Variants in RPS6KA2 observed in about 807,000 individuals in gnomAD.
The protein encoded by RPS6KA2 is ribosomal protein S6 kinase A2.
In RPS6KA2, 42 loss-of-function variants were observed where a neutral mutation model predicts 91.8. The ratio of observed to expected loss-of-function variants is 0.46; its 90% CI spans 0.36 to 0.59. RPS6KA2 has a LOEUF of 0.59. Among genes scored for constraint, RPS6KA2 ranks in the 20% least tolerant of loss-of-function variants. RPS6KA2 has a pLI of 0.00. For missense variants in RPS6KA2, 798 were observed against 978.5 expected (o/e 0.82, Z 2.46); for synonymous variants, 414 against 393.6 (o/e 1.05, Z -0.61).
intron 2 of RPS6KA2, among the ~76,000 whole-genome samples, chr6:166,819,151 C>T (rs989884501): frequency 1.3e-5 from 2 of 152,136 alleles, no homozygotes; most frequent in African/African-American, 4.8e-5. Flanking sequence ...CCTTAGCTTT[C>T]GCACCCCATT....
chr6:166,815,397 A>AT (rs1399210777), intron 2 of RPS6KA2, among the ~76,000 whole-genome samples: 2 of 152,078 alleles, frequency 1.3e-5, no homozygotes, highest in African/African-American at 2.4e-5. Flanking sequence ...AAGAATGAAT[A>AT]TTTTTTTCAT....
rs140788453 is a variant in RPS6KA2, at chr6:166,578,836, A to G, written c.100-40052T>C. On this transcript the variant is annotated intron_variant, in intron 1 of 20. Coordinates refer to ENST00000265678, the MANE Select transcript of RPS6KA2 (RefSeq NM_021135.6). ...ATTTTCTACACAGAGAAAAGTGTCAATTGGCCCAGGATATTGATGGGATCT... is the reference window on the plus strand; with the variant it reads ...ATTTTCTACACAGAGAAAAGTGTCAGTTGGCCCAGGATATTGATGGGATCT... Among the ~76,000 whole-genome samples, 350 of 152,348 alleles carry G rather than the reference A, an allele frequency of 2.3e-3. 1 individual carries two copies. The highest frequency in any genetic ancestry group is 3.6e-3 in the Non-Finnish European group (248 of 68,036).
chr6:166,764,244 G>C (rs1262247575), intron 2 of RPS6KA2, among the ~76,000 whole-genome samples: 1 of 152,170 alleles, frequency 6.6e-6, no homozygotes, highest in Non-Finnish European at 1.5e-5. Context: ...AGTGTGGTCA[G>C]GGTCATTTAA....
At chr6:166,548,702 C>T (rs555130466) in intron 1 of RPS6KA2, among the ~76,000 whole-genome samples, 2 of 152,108 alleles carry the variant, frequency 1.3e-5, no homozygotes, top group Non-Finnish European at 2.9e-5. Context: ...GGATCACAGA[C>T]ATAAATATAA....
chr6:166,771,198 C>T lies in RPS6KA2; in HGVS notation c.123+87002G>A, dbSNP rs528838565. Among the ~76,000 whole-genome samples, 183 of 152,234 alleles carry T rather than the reference C, an allele frequency of 1.2e-3. 1 individual carries two copies. The highest frequency in any genetic ancestry group is 3.4e-3 in the African/African-American group (142 of 41,524). On this transcript the variant is annotated intron_variant, in intron 2 of 21. Transcript: ENST00000503859. ...TCCCATCACCAACCTCAAAGCTCAA[C>T]GGAAAGAAAGTCTCTTTCAAGCTCC...
intron 1 of RPS6KA2, among the ~76,000 whole-genome samples, chr6:166,589,956 C>T (rs1785303800): frequency 6.6e-6 from 1 of 152,130 alleles, no homozygotes; most frequent in Admixed American, 6.6e-5. Context: ...GTGAGATACA[C>T]AGAAAACAAG....
At chr6:166,794,670 T>C (rs79408781) in intron 2 of RPS6KA2, among the ~76,000 whole-genome samples, 147,240 of 150,388 alleles carry the variant, frequency 0.98, 72,160 homozygotes, top group East Asian at 1. Context: ...GAATACTATG[T>C]AGCCATAAAA....
chr6:166,591,007 C>T (rs548298266), intron 1 of RPS6KA2, among the ~76,000 whole-genome samples: 2 of 152,298 alleles, frequency 1.3e-5, no homozygotes, highest in South Asian at 4.1e-4. Context: ...ACAAGCATCA[C>T]AAAAGCAGAA....
intron 2 of RPS6KA2, among the ~76,000 whole-genome samples, chr6:166,784,613 G>T (rs4994274): frequency 0.21 from 354 of 1,692 alleles, 161 homozygotes; most frequent in Admixed American, 0.52. Flanking sequence ...CACCTATGCA[G>T]AACCACATAT....
At chr6:166,823,896 G>A (rs748122783) in intron 2 of RPS6KA2, among the ~76,000 whole-genome samples, 2 of 152,178 alleles carry the variant, frequency 1.3e-5, no homozygotes, top group Non-Finnish European at 2.9e-5. Context: ...TCTCTGATAC[G>A]TGGGATAGTA....
intron 8 of RPS6KA2, among the ~76,000 whole-genome samples, chr6:166,491,649 A>AT (rs1781590600): frequency 6.6e-6 from 1 of 152,030 alleles, no homozygotes; most frequent in Non-Finnish European, 1.5e-5. Context: ...TCTCATCTTT[A>AT]TTTTTTGCTG....
intron 12 of RPS6KA2, among the ~76,000 whole-genome samples, chr6:166,455,808 C>G (rs1213148350): frequency 6.6e-6 from 1 of 152,216 alleles, no homozygotes; most frequent in Non-Finnish European, 1.5e-5. Context: ...TGAGCTACCA[C>G]GGGCCGCAGA....
rs375158192 is a variant in RPS6KA2 at position 166,645,934 on chromosome 6, C to T, written c.124-107150G>A. Among the ~76,000 whole-genome samples, 9 of 152,300 alleles carry T rather than the reference C, an allele frequency of 5.9e-5. No homozygotes were observed. The East Asian group carries it at 7.7e-4, about 13-fold the overall frequency. Reference sequence around the variant, plus strand: ...CTAAAGGATGCAAAGACAATCTGTGCGTGCCCCTCAAAGCTGCCAAAGCGG... The same window carrying T: ...CTAAAGGATGCAAAGACAATCTGTGTGTGCCCCTCAAAGCTGCCAAAGCGG... On this transcript the variant is annotated intron_variant, in intron 2 of 21. Transcript: ENST00000503859.
At chr6:166,736,553 C>T (rs1790672931) in intron 2 of RPS6KA2, among the ~76,000 whole-genome samples, 1 of 152,172 alleles carries the variant, frequency 6.6e-6, no homozygotes, top group South Asian at 2.1e-4. Flanking sequence ...CACAAAATAT[C>T]AAGATTCCAT....
chr6:166,630,557 G>A (rs1787044993), upstream of RPS6KA2, among the ~76,000 whole-genome samples: 1 of 152,234 alleles, frequency 6.6e-6, no homozygotes, highest in South Asian at 2.1e-4. Flanking sequence ...ACCTGGTGCT[G>A]GCCATCTGCG....
chr6:166,584,974 T>C (rs1436482427), intron 1 of RPS6KA2, among the ~76,000 whole-genome samples: 1 of 152,206 alleles, frequency 6.6e-6, no homozygotes, highest in East Asian at 1.9e-4. Context: ...CCAAGATGTC[T>C]CAAAACACAC....
At chr6:166,717,227 C>T (rs1010635775) in intron 2 of RPS6KA2, among the ~76,000 whole-genome samples, 1 of 152,212 alleles carries the variant, frequency 6.6e-6, no homozygotes, top group African/African-American at 2.4e-5. Context: ...ATCGCCATTG[C>T]TGGGAACAAG....
intron 14 of RPS6KA2, among the ~76,000 whole-genome samples, chr6:166,444,672 G>C (rs574723535): frequency 6.6e-6 from 1 of 152,178 alleles, no homozygotes; most frequent in Non-Finnish European, 1.5e-5. Context: ...GCCCGAGGCC[G>C]GACTGCCCCA....
chr6:166,813,286 C>A (rs1779686114), intron 2 of RPS6KA2, among the ~76,000 whole-genome samples: 1 of 152,178 alleles, frequency 6.6e-6, no homozygotes, highest in Non-Finnish European at 1.5e-5. Flanking sequence ...AAGAGCCGCC[C>A]ACTGCTTCTG....
Sources: allele counts gnomAD v4.1 joint callset (sites outside exome capture counted in the v4.1 genomes callset), GRCh38; gene constraint gnomAD v4.1.1; transcripts MANE v1.5; gene names NCBI Gene and HGNC (gene_info 2026-07-23, HGNC 2026-07-21).